The following GIMAP5 variants were observed in gnomAD, a reference collection of about 807,000 sequenced individuals.
GIMAP5 encodes the protein GTPase IMAP family member 5.
Under a neutral mutation model 9.9 loss-of-function variants are expected in GIMAP5, and 8 were observed. The ratio of observed to expected loss-of-function variants is 0.81; its 90% CI spans 0.47 to 1.45. The LOEUF (loss-of-function observed/expected upper bound fraction) is 1.45, where lower values mean the gene tolerates loss of function less well. Among genes scored for constraint, GIMAP5 ranks in the 40% most tolerant of loss-of-function variants. The pLI is 0.00. For synonymous variants in GIMAP5, 174 were observed against 151.4 expected (o/e 1.15, Z -1.09); for missense variants, 353 against 367.4 (o/e 0.96, Z 0.32).
chr7:150,743,066 C>T lies in GIMAP5; in HGVS notation c.*3C>T. 1 of 1,602,998 alleles carries T rather than the reference C, an allele frequency of 6.2e-7. No individual in the cohort carries two copies. Among genetic ancestry groups the T allele is most frequent in the African/African-American group, 1.3e-5 (1 of 74,556 alleles). On this transcript the variant is annotated 3_prime_UTR_variant, in exon 3 of 3. Coordinates refer to ENST00000358647, the MANE Select transcript of GIMAP5 (RefSeq NM_018384.5). ...TGTTCATCTTTCATTACATTTAAAT[C>T]TCTGGACCCTGGAGCACTTCTAATG...
rs762680564 is a variant in GIMAP5 at position 150,742,171 on chromosome 7, C to T, written c.44-12C>T. 1.5e-5 allele frequency: 24 copies of T among 1,607,464 alleles called. No individual in the cohort carries two copies. The highest frequency in any genetic ancestry group is 1.6e-5 in the Non-Finnish European group (19 of 1,175,612). The stretch of plus-strand genomic sequence containing the variant: ...ATTAACTTAGTAAGATACAAAACTT[C>T]GTTTTCTACAGGTAGATCAGAAGAT... On this transcript the variant is annotated splice_polypyrimidine_tract_variant and intron_variant, in intron 2 of 2. Transcript: ENST00000358647.
At chr7:150,741,824 T>G (rs1222186620) in intron 2 of GIMAP5, among the ~76,000 whole-genome samples, 3 of 152,346 alleles carry the variant, frequency 2.0e-5, no homozygotes, top group South Asian at 4.1e-4. Context: ...TTGTAACTAC[T>G]AATCCCCTGC....
chr7:150,739,971 A>C (rs1301219394), intron 1 of GIMAP5: 1 of 152,230 alleles, frequency 6.6e-6, no homozygotes, highest in Non-Finnish European at 1.5e-5. Flanking sequence ...TAATCAGTAA[A>C]ATGTAAGTTT....
chr7:150,742,030 C>A (rs1344410216), intron 2 of GIMAP5, among the ~76,000 whole-genome samples, 153 bp from the exon 3 acceptor site: 2 of 152,188 alleles, frequency 1.3e-5, no homozygotes, highest in Non-Finnish European at 2.9e-5. Flanking sequence ...ATGCAAGATT[C>A]ACCTATAGTT....
Position 150,742,766 on chromosome 7 carries a change from G to T in GIMAP5, c.627G>T (p.Arg209Ser). 1 of 1,614,170 alleles carries T rather than the reference G, an allele frequency of 6.2e-7. No individual in the cohort carries two copies. The highest frequency in any genetic ancestry group is 8.5e-7 in the Non-Finnish European group (1 of 1,180,034). The change falls in exon 3 of 3, where the codon AGG becomes AGT. Residue 209 changes from arginine (R) to serine (S), a missense_variant. Physicochemically the swap from Arg to Ser is moderately radical, Grantham distance 110. Transcript: ENST00000358647. ...QQAELLAVIERLGREREGSFH... is the reference protein window; with the variant it reads ...QQAELLAVIESLGREREGSFH... The stretch of plus-strand genomic sequence containing the variant: ...CAGAGCTCCTGGCTGTGATTGAGAG[G>T]CTGGGGAGGGAGCGAGAGGGCTCCT...
At position 150,742,512 on chromosome 7, in the gene GIMAP5, G is replaced by GTGTTC; in HGVS notation, c.373_374insTGTTC (p.Ala125ValfsTer12). On this transcript the variant is annotated frameshift_variant, in exon 3 of 3. Transcript: ENST00000358647. LOFTEE classifies it high-confidence loss of function. ...GGTGATCCAGCTGGGGCGTTTCACTGCTCAGGACACAGTGGCCATCAGGAA... is the reference window on the plus strand; with the variant it reads ...GGTGATCCAGCTGGGGCGTTTCACTGTGTTCCTCAGGACACAGTGGCCATCAGGAA... 1 of 1,614,198 alleles carries GTGTTC rather than the reference G, an allele frequency of 6.2e-7. No homozygotes were observed. The highest frequency in any genetic ancestry group is 8.5e-7 in the Non-Finnish European group (1 of 1,180,028).
chr7:150,737,903 A>C (rs1272844545), intron 1 of GIMAP5, 195 bp downstream of exon 1: 17 of 601,090 alleles, frequency 2.8e-5, no homozygotes, highest in Non-Finnish European at 5.0e-5. Flanking sequence ...CAGCCTGAAG[A>C]ATCTGTGCCT....
At chr7:150,738,183 G>C (rs1388302246) in intron 1 of GIMAP5, 2 of 161,824 alleles carry the variant, frequency 1.2e-5, no homozygotes, top group East Asian at 3.6e-4. Flanking sequence ...CCTGGGAGCT[G>C]AGGATGGATT....
chr7:150,743,081 C>A lies in GIMAP5; in HGVS notation c.*18C>A. The stretch of plus-strand genomic sequence containing the variant: ...ACATTTAAATCTCTGGACCCTGGAG[C>A]ACTTCTAATGTATCACCCCATGGAG... On this transcript the variant is annotated 3_prime_UTR_variant, in exon 3 of 3. Transcript: ENST00000358647. 1 of 1,593,646 alleles carries A rather than the reference C, an allele frequency of 6.3e-7. No individual in the cohort carries two copies. The highest frequency in any genetic ancestry group is 8.6e-7 in the Non-Finnish European group (1 of 1,169,234).
rs1465520959 is a variant in GIMAP5 at position 150,737,512 on chromosome 7, A to T, written c.-203A>T. 3 of 1,535,100 alleles carry T rather than the reference A, an allele frequency of 2.0e-6. No homozygotes were observed. Among genetic ancestry groups the T allele is most frequent in the South Asian group, 1.2e-5 (1 of 84,056 alleles). On this transcript the variant is annotated 5_prime_UTR_variant, in exon 1 of 3. An upstream start codon of the reference 5' UTR is lost. Transcript: ENST00000358647. ...ACTTTTCTTTTTGTGCAGCTGAGTC[A>T]TGGAGCTTTCAGCCCCAGCACATGG...
Position 150,743,241 on chromosome 7 carries a change from C to T in GIMAP5, c.*178C>T. On this transcript the variant is annotated 3_prime_UTR_variant, in exon 3 of 3. Transcript: ENST00000358647. ...CTGTGTGCCTCCACTCCAAGGCTGC[C>T]TGCCTGCTGTAAACACTATTCCACT... The T allele has an allele frequency of 1.3e-6, 1 of 755,986 alleles. No individual in the cohort carries two copies. Among genetic ancestry groups the T allele is most frequent in the Non-Finnish European group, 2.1e-6 (1 of 482,890 alleles). 46.8% of individuals were successfully genotyped at this position (755,986 alleles called of 1,614,324 possible).
rs180974779 is a variant in GIMAP5, at chr7:150,742,786, G to A, written c.647G>A (p.Gly216Asp). Residue 216 changes from glycine to aspartate, a missense_variant, in exon 3 of 3, where the codon GGC becomes GAC. By Grantham distance (94) the Gly-to-Asp change is moderately conservative. Coordinates refer to ENST00000358647, the MANE Select transcript of GIMAP5 (RefSeq NM_018384.5). ...VIERLGREREGSFHSNDLFLD... is the reference protein window; with the variant it reads ...VIERLGREREDSFHSNDLFLD... Reference sequence around the variant, plus strand: ...GAGAGGCTGGGGAGGGAGCGAGAGGGCTCCTTCCACAGCAATGACCTCTTC... The same window carrying A: ...GAGAGGCTGGGGAGGGAGCGAGAGGACTCCTTCCACAGCAATGACCTCTTC... 3.7e-6 allele frequency: 6 copies of A among 1,614,140 alleles called. No homozygotes were observed. The African/African-American group carries it at 6.7e-5, about 18-fold the overall frequency.
intron 2 of GIMAP5, among the ~76,000 whole-genome samples, chr7:150,741,952 C>A (rs947941332): frequency 6.6e-6 from 1 of 152,200 alleles, no homozygotes; most frequent in African/African-American, 2.4e-5. Flanking sequence ...CTTAAAGCAT[C>A]CCCTTAATGC....
chr7:150,737,942 G>A, intron 1 of GIMAP5: 1 of 570,924 alleles, frequency 1.8e-6, no homozygotes. Flanking sequence ...CAGGACAGCG[G>A]GCTTTGCTGC....
Position 150,743,199 on chromosome 7 carries a change from TC to T in GIMAP5, c.*138del. 1 of 1,162,884 alleles carries T rather than the reference TC, an allele frequency of 8.6e-7. No homozygotes were observed. The highest frequency in any genetic ancestry group is 1.2e-6 in the Non-Finnish European group (1 of 839,940). The allele number at this position is 1,162,884 out of a possible 1,614,324, so 72.0% of individuals were successfully genotyped here. ...CTGTGCAGCTCCCATTTCCCCTTCT[TC>T]CTGATAGACTTGGAGCTGTGTGCCT... On this transcript the variant is annotated 3_prime_UTR_variant, in exon 3 of 3. Transcript: ENST00000358647.
At position 150,742,361 on chromosome 7, in the gene GIMAP5, C is replaced by T. The variant is rs142964864; in HGVS notation, c.222C>T (p.Asn74=). 39 of 1,614,114 alleles carry T rather than the reference C, an allele frequency of 2.4e-5. No individual in the cohort carries two copies. The highest frequency in any genetic ancestry group is 2.1e-4 in the African/African-American group (16 of 75,012). The change falls in exon 3 of 3, where the codon AAC becomes AAT. Residue 74 remains asparagine (N), a synonymous_variant. Coordinates refer to ENST00000358647, the MANE Select transcript of GIMAP5 (RefSeq NM_018384.5). ...RTCQVKTGTW[N]GRKVLVVDTP... Reference sequence around the variant, plus strand: ...GCCAGGTGAAAACAGGAACATGGAACGGGAGGAAAGTCCTGGTGGTTGACA... The same window carrying T: ...GCCAGGTGAAAACAGGAACATGGAATGGGAGGAAAGTCCTGGTGGTTGACA...
rs918681913 is a variant in GIMAP5, at chr7:150,742,767, C to T, written c.628C>T (p.Leu210=). The T allele has an allele frequency of 8.7e-6, 14 of 1,614,032 alleles. No individual in the cohort carries two copies. Among genetic ancestry groups the T allele is most frequent in the Middle Eastern group, 1.6e-4 (1 of 6,076 alleles). The change falls in exon 3 of 3, where the codon CTG becomes TTG. Residue 210 remains leucine, a synonymous_variant. Transcript: ENST00000358647. Reference sequence around the variant, plus strand: ...AGAGCTCCTGGCTGTGATTGAGAGGCTGGGGAGGGAGCGAGAGGGCTCCTT... The same window carrying T: ...AGAGCTCCTGGCTGTGATTGAGAGGTTGGGGAGGGAGCGAGAGGGCTCCTT... ...QAELLAVIER[L]GREREGSFHS... is the part of the protein sequence containing the mutation.
chr7:150,741,016 C>A, intron 2 of GIMAP5, 89 bp downstream of exon 2: 1 of 1,377,114 alleles, frequency 7.3e-7, no homozygotes, highest in South Asian at 1.2e-5. Context: ...AACACAGTGG[C>A]AGAAACCCAT....
Position 150,742,424 on chromosome 7 carries a change from G to C in GIMAP5, c.285G>C (p.Glu95Asp). The C allele has an allele frequency of 6.2e-7, 1 of 1,614,188 alleles. No homozygotes were observed. Among genetic ancestry groups the C allele is most frequent in the South Asian group, 1.1e-5 (1 of 91,088 alleles). Residue 95 changes from glutamate (E) to aspartate (D), a missense_variant, in exon 3 of 3, where the codon GAG becomes GAC. By Grantham distance (45) the Glu-to-Asp change is conservative (BLOSUM62 2). Coordinates refer to ENST00000358647, the MANE Select transcript of GIMAP5 (RefSeq NM_018384.5). ...TTGAGTCACAGGCCGATACCCAAGA[G>C]CTGTACAAGAACATCGGGGACTGCT... ...SIFESQADTQ[E>D]LYKNIGDCYL... is the part of the protein sequence containing the mutation.
Sources: allele counts gnomAD v4.1 joint callset (sites outside exome capture counted in the v4.1 genomes callset), GRCh38; gene constraint gnomAD v4.1.1; transcripts MANE v1.5; gene names NCBI Gene and HGNC (gene_info 2026-07-23, HGNC 2026-07-21).